CLIC5: variants seen among roughly 807,000 people sequenced by gnomAD.
CLIC5 encodes the protein chloride intracellular channel protein 5.
CLIC5 carries 20 observed loss-of-function variants against 24.7 expected under a neutral mutation model. That is an observed-to-expected ratio of 0.81 (90% confidence interval 0.57 to 1.18). The LOEUF (loss-of-function observed/expected upper bound fraction) is 1.18, where lower values mean the gene tolerates loss of function less well. CLIC5 is among the 50% of genes most tolerant of loss of function. CLIC5 has a pLI of 0.00. For missense variants in CLIC5, 341 were observed against 326.1 expected (o/e 1.05, Z -0.35); for synonymous variants, 159 against 135.6 (o/e 1.17, Z -1.20).
intron 1 of CLIC5, among the ~76,000 whole-genome samples, chr6:46,024,084 G>A (rs1420435659): frequency 6.6e-6 from 1 of 152,198 alleles, no homozygotes; most frequent in Non-Finnish European, 1.5e-5. Flanking sequence ...TAGGAAGCCA[G>A]CAGTTACATT....
chr6:45,902,532 T>C lies in CLIC5; in HGVS notation c.*556A>G, dbSNP rs1762537536. 1 of 154,418 alleles carries C rather than the reference T, an allele frequency of 6.5e-6. No individual in the cohort carries two copies. The allele number at this position is 154,418 out of a possible 1,614,324, so 9.6% of individuals were successfully genotyped here. A position where few individuals can be genotyped will look rare whatever the true frequency, so the allele number is the denominator to read the frequency against. On this transcript the variant is annotated 3_prime_UTR_variant, in exon 6 of 6. Transcript: ENST00000339561. Reference sequence around the variant, plus strand: ...TTCCAGTCTGGCCCTTAGTGCCCAATAACCAGAGTGTCAGAAGTAGTGAGA... The same window carrying C: ...TTCCAGTCTGGCCCTTAGTGCCCAACAACCAGAGTGTCAGAAGTAGTGAGA...
intron 1 of CLIC5, among the ~76,000 whole-genome samples, chr6:45,960,928 C>A (rs1035403890): frequency 4.6e-5 from 7 of 152,210 alleles, no homozygotes; most frequent in Non-Finnish European, 8.8e-5. Context: ...TCTCCCTCAG[C>A]CCTAGGGTAC....
chr6:46,047,044 A>G (rs1160375704), intron 1 of CLIC5, among the ~76,000 whole-genome samples: 1 of 152,160 alleles, frequency 6.6e-6, no homozygotes, highest in African/African-American at 2.4e-5. Context: ...TAGTGTTCAC[A>G]TGATTTATTT....
At chr6:45,914,090 C>G (rs901017380) in intron 5 of CLIC5, 138 bp downstream of exon 5, 32 of 598,548 alleles carry the variant, frequency 5.3e-5, no homozygotes, top group Non-Finnish European at 7.9e-5. Flanking sequence ...CAGAGGGTGA[C>G]CTTGGGTCCT....
At chr6:46,126,081 T>G in the CLIC5 span, among the ~76,000 whole-genome samples, 23 of 152,254 alleles carry the variant, frequency 1.5e-4, no homozygotes, top group Admixed American at 5.9e-4. Context: ...AAAAATCCCA[T>G]GTCCCAGGAA....
intron 1 of CLIC5, among the ~76,000 whole-genome samples, chr6:45,997,787 T>C (rs145417406): frequency 6.6e-6 from 1 of 152,284 alleles, no homozygotes; most frequent in African/African-American, 2.4e-5. Flanking sequence ...CATGAGGAAA[T>C]TAGGCATGCA....
At chr6:45,993,295 C>A (rs544161130) in intron 1 of CLIC5, among the ~76,000 whole-genome samples, 1 of 152,224 alleles carries the variant, frequency 6.6e-6, no homozygotes, top group East Asian at 1.9e-4. Flanking sequence ...AGTAACTGAG[C>A]AAAATACATT....
chr6:45,965,358 G>T (rs1764982921), intron 1 of CLIC5, among the ~76,000 whole-genome samples: 1 of 152,200 alleles, frequency 6.6e-6, no homozygotes, highest in African/African-American at 2.4e-5. Context: ...TAGTTCAAGA[G>T]TCAAAGATGA....
At position 45,949,345 on chromosome 6, in the gene CLIC5, C is replaced by T. The variant is rs1192732085; in HGVS notation, c.210G>A (p.Thr70=). ...CGTTGAAGGTCAGGAAGGGCGGGTG[C>T]GTGCCGGGGGCTAGGTTGTGCAGGT... ...PADLHNLAPG[T]HPPFLTFNGD... The change falls in exon 3 of 6, where the codon ACG becomes ACA. Residue 70 remains threonine (T), a synonymous_variant. Transcript: ENST00000339561. The T allele has an allele frequency of 1.3e-5, 21 of 1,613,720 alleles. No homozygotes were observed. The highest frequency in any genetic ancestry group is 1.7e-5 in the Non-Finnish European group (20 of 1,179,828).
intron 4 of CLIC5, among the ~76,000 whole-genome samples, chr6:45,927,218 C>T (rs911432495): frequency 2.0e-5 from 3 of 152,118 alleles, no homozygotes; most frequent in African/African-American, 7.2e-5. Context: ...GGGTCAGATG[C>T]TGAGCTGGGG....
the CLIC5 span, among the ~76,000 whole-genome samples, chr6:46,088,715 C>T: frequency 6.6e-6 from 1 of 152,112 alleles, no homozygotes; most frequent in Non-Finnish European, 1.5e-5. Context: ...ACAAGACCAG[C>T]AAATATTTTC....
At chr6:46,104,945 C>T in the CLIC5 span, among the ~76,000 whole-genome samples, 1 of 152,286 alleles carries the variant, frequency 6.6e-6, no homozygotes, top group East Asian at 1.9e-4. Context: ...ATTCCTGCAG[C>T]CTTGGTTTGA....
At chr6:45,966,810 C>A (rs1001355446) in intron 1 of CLIC5, among the ~76,000 whole-genome samples, 40 of 152,208 alleles carry the variant, frequency 2.6e-4, no homozygotes, top group African/African-American at 9.7e-4. Context: ...GCATGGAGAG[C>A]CCATTTTGGA....
At chr6:46,072,286 G>T (rs1314740467) in intron 1 of CLIC5, among the ~76,000 whole-genome samples, 1 of 151,928 alleles carries the variant, frequency 6.6e-6, no homozygotes, top group Non-Finnish European at 1.5e-5. Context: ...GGCTAGGTGG[G>T]GGGAGGGGGG....
chr6:45,895,530 G>A (rs1292836909), downstream of CLIC5, among the ~76,000 whole-genome samples: 1 of 152,124 alleles, frequency 6.6e-6, no homozygotes, highest in Non-Finnish European at 1.5e-5. Flanking sequence ...TCAGAATTAT[G>A]GTACAGTGGG....
At chr6:46,077,301 G>T (rs1364525561) in intron 1 of CLIC5, among the ~76,000 whole-genome samples, 4 of 152,022 alleles carry the variant, frequency 2.6e-5, no homozygotes, top group Admixed American at 6.6e-5. Flanking sequence ...AACATGTCTA[G>T]AACAGGTGAA....
At chr6:45,890,327 T>C (rs1762337851) in intron 6 of CLIC5, among the ~76,000 whole-genome samples, 1 of 152,174 alleles carries the variant, frequency 6.6e-6, no homozygotes, top group Non-Finnish European at 1.5e-5. Context: ...TCAACATCTA[T>C]AATTATCAGA....
rs533704561 is a variant in CLIC5 at position 45,949,135 on chromosome 6, C to T, written c.299+121G>A. ...AGGCTCTCTCTTTGAAGAAAGGGTCCTGTTCTCTGGACTGGTGAGGTTCCT... is the reference window on the plus strand; with the variant it reads ...AGGCTCTCTCTTTGAAGAAAGGGTCTTGTTCTCTGGACTGGTGAGGTTCCT... On this transcript the variant is annotated intron_variant, in intron 3 of 5. Coordinates refer to ENST00000339561, the MANE Select transcript of CLIC5 (RefSeq NM_016929.5). The T allele has an allele frequency of 2.9e-5, 38 of 1,311,228 alleles. No individual in the cohort carries two copies. In the African/African-American group the frequency reaches 4.6e-4, roughly 16 times the overall value. The allele number at this position is 1,311,228 out of a possible 1,614,324, so 81.2% of individuals were successfully genotyped here.
chr6:46,094,441 G>T, the CLIC5 span, among the ~76,000 whole-genome samples: 1 of 152,142 alleles, frequency 6.6e-6, no homozygotes, highest in Non-Finnish European at 1.5e-5. Context: ...TTAGTTACTT[G>T]CAAAATACAA....
Sources: allele counts gnomAD v4.1 joint callset (sites outside exome capture counted in the v4.1 genomes callset), GRCh38; gene constraint gnomAD v4.1.1; transcripts MANE v1.5; gene names NCBI Gene and HGNC (gene_info 2026-07-23, HGNC 2026-07-21).